ATRNL1: variants seen among roughly 807,000 people sequenced by gnomAD.
The protein encoded by ATRNL1 is attractin-like protein 1.
A neutral mutation model predicts 182.7 loss-of-function variants in ATRNL1; 95 were observed. The ratio of observed to expected loss-of-function variants is 0.52; its 90% confidence interval spans 0.44 to 0.62. ATRNL1 has a LOEUF of 0.62. Ranked by LOEUF, ATRNL1 falls within the 20% of genes least tolerant of loss-of-function variation. ATRNL1 has a pLI of 0.00. For missense variants in ATRNL1, 1,471 were observed against 1,679.5 expected (o/e 0.88, Z 2.17); for synonymous variants, 576 against 568.3 (o/e 1.01, Z -0.19).
At chr10:115,560,681 G>A (rs564968466) in intron 26 of ATRNL1, among the ~76,000 whole-genome samples, 1 of 152,160 alleles carries the variant, frequency 6.6e-6, no homozygotes, top group African/African-American at 2.4e-5. Context: ...AAATCCACAG[G>A]GAGAGGCAAA....
intron 21 of ATRNL1, among the ~76,000 whole-genome samples, chr10:115,458,454 T>C (rs1224470879): frequency 6.6e-6 from 1 of 152,120 alleles, no homozygotes; most frequent in Non-Finnish European, 1.5e-5. Context: ...CTAATTTTGT[T>C]CTAGATCTCA....
At chr10:115,367,946 G>C (rs1297347330) in intron 19 of ATRNL1, among the ~76,000 whole-genome samples, 1 of 151,562 alleles carries the variant, frequency 6.6e-6, no homozygotes, top group Non-Finnish European at 1.5e-5. Flanking sequence ...GGACATTTAA[G>C]TCTGCAGAGG....
chr10:115,157,553 CT>C (rs78379885), intron 5 of ATRNL1, among the ~76,000 whole-genome samples: 6,372 of 152,132 alleles, frequency 0.042, 435 homozygotes, highest in African/African-American at 0.14. Flanking sequence ...TCCCTGCATT[CT>C]TTGCCTCCTT....
intron 26 of ATRNL1, among the ~76,000 whole-genome samples, chr10:115,599,516 A>G (rs938126718): frequency 1.7e-5 from 2 of 119,694 alleles, no homozygotes; most frequent in Admixed American, 1.6e-4. Flanking sequence ...ATTTTTAAGT[A>G]AAGTAAACCC....
At chr10:115,641,852 T>C (rs1592994789) in intron 26 of ATRNL1, among the ~76,000 whole-genome samples, 1 of 151,932 alleles carries the variant, frequency 6.6e-6, no homozygotes, top group East Asian at 1.9e-4. Flanking sequence ...TTATATAAAA[T>C]ATTTTAATAT....
chr10:115,880,125 C>G (rs1282710153), intron 28 of ATRNL1, among the ~76,000 whole-genome samples: 1 of 152,196 alleles, frequency 6.6e-6, no homozygotes, highest in Non-Finnish European at 1.5e-5. Context: ...CTGCTGGAGG[C>G]TTTCAGTAGA....
At chr10:115,161,751 G>C (rs569349513) in intron 6 of ATRNL1, among the ~76,000 whole-genome samples, 247 of 152,138 alleles carry the variant, frequency 1.6e-3, no homozygotes, top group African/African-American at 5.5e-3. Flanking sequence ...ACAAATGAGG[G>C]ATTAGAGTAG....
chr10:115,638,161 C>A (rs1859007956), intron 26 of ATRNL1, among the ~76,000 whole-genome samples: 2 of 152,076 alleles, frequency 1.3e-5, no homozygotes, highest in African/African-American at 2.4e-5. Flanking sequence ...CATTTTAAAT[C>A]TTTTATCCTG....
intron 26 of ATRNL1, among the ~76,000 whole-genome samples, chr10:115,723,112 A>G (rs934473049): frequency 6.6e-6 from 1 of 152,220 alleles, no homozygotes; most frequent in African/African-American, 2.4e-5. Flanking sequence ...TGCCTTAAAG[A>G]AGATCCCAGA....
At chr10:115,100,304 A>AG (rs1843722618) in intron 1 of ATRNL1, among the ~76,000 whole-genome samples, 1 of 152,224 alleles carries the variant, frequency 6.6e-6, no homozygotes, top group East Asian at 1.9e-4. Context: ...TCTTTAAAAA[A>AG]TAAAAAATAA....
intron 27 of ATRNL1, among the ~76,000 whole-genome samples, chr10:115,795,014 A>G (rs1239118967): frequency 2.6e-5 from 4 of 152,008 alleles, no homozygotes; most frequent in African/African-American, 7.3e-5. Flanking sequence ...AAAAGTCTCT[A>G]TATTCTTTGA....
intron 26 of ATRNL1, among the ~76,000 whole-genome samples, chr10:115,650,246 A>G (rs781811216): frequency 7.9e-5 from 12 of 152,048 alleles, no homozygotes; most frequent in African/African-American, 1.2e-4. Context: ...CTTCTTCCCA[A>G]TATGTTCAAA....
At chr10:115,305,182 G>T (rs572659433) in intron 17 of ATRNL1, among the ~76,000 whole-genome samples, 19 of 151,986 alleles carry the variant, frequency 1.3e-4, no homozygotes, top group African/African-American at 4.6e-4. Context: ...GGCAATGCAC[G>T]TAGAGACTTA....
rs1242895668 is a variant in ATRNL1, at chr10:115,235,869, C to T, written c.1533-5702C>T. Among the ~76,000 whole-genome samples the T allele has an allele frequency of 2.6e-5, 4 of 151,674 alleles. No individual in the cohort carries two copies. The East Asian group carries it at 7.7e-4, about 29-fold the overall frequency. On this transcript the variant is annotated intron_variant, in intron 9 of 28. Transcript: ENST00000355044. The stretch of plus-strand genomic sequence containing the variant: ...AACCTTTACATAATAGTTTTAATAC[C>T]CATTGATGATTCTCACTAGAAAGAG...
intron 26 of ATRNL1, among the ~76,000 whole-genome samples, chr10:115,660,604 C>G (rs995764147): frequency 6.6e-6 from 1 of 151,852 alleles, no homozygotes; most frequent in Non-Finnish European, 1.5e-5. Context: ...CAGGATGACA[C>G]CTAAGTAAGG....
chr10:115,587,039 G>T (rs1410638268), intron 26 of ATRNL1, among the ~76,000 whole-genome samples: 18 of 148,996 alleles, frequency 1.2e-4, no homozygotes, highest in Admixed American at 1.2e-3. Context: ...TGCCCCTACT[G>T]GGGGGTGCCT....
chr10:115,404,595 G>C (rs1844731260), intron 20 of ATRNL1, among the ~76,000 whole-genome samples: 1 of 152,162 alleles, frequency 6.6e-6, no homozygotes, highest in African/African-American at 2.4e-5. Flanking sequence ...GAGATTTTAA[G>C]GTTGCTTGCT....
chr10:115,385,564 GTAGA>G, intron 19 of ATRNL1, among the ~76,000 whole-genome samples: 1 of 152,170 alleles, frequency 6.6e-6, no homozygotes, highest in South Asian at 2.1e-4. Context: ...ATGTTTTAAA[GTAGA>G]TAAATTATAT....
chr10:115,376,254 A>T (rs1235971536), intron 19 of ATRNL1, among the ~76,000 whole-genome samples: 1 of 151,916 alleles, frequency 6.6e-6, no homozygotes. Context: ...TGATTCTGTT[A>T]TCTCTTACTG....
Sources: gnomAD v4.1 joint callset for allele counts (sites outside exome capture counted in the v4.1 genomes callset) on GRCh38, gnomAD v4.1.1 for gene constraint, MANE v1.5 for transcripts, NCBI Gene and HGNC (gene_info 2026-07-23, HGNC 2026-07-21) for gene names.